NOS1AP: variants seen among roughly 807,000 people sequenced by gnomAD.
NOS1AP encodes the protein carboxyl-terminal PDZ ligand of neuronal nitric oxide synthase protein.
A neutral mutation model predicts 56.2 loss-of-function variants in NOS1AP; 21 were observed. That is an observed-to-expected ratio of 0.37 (90% CI 0.26 to 0.54). The LOEUF is 0.54. NOS1AP is among the 20% of genes least tolerant of loss of function. The pLI is 0.84. For synonymous variants in NOS1AP, 270 were observed against 274.6 expected (o/e 0.98, Z 0.17); for missense variants, 522 against 657.8 (o/e 0.79, Z 2.26).
chr1:162,214,269 G>A (rs28439959), intron 2 of NOS1AP, among the ~76,000 whole-genome samples: 51 of 150,776 alleles, frequency 3.4e-4, no homozygotes, highest in African/African-American at 1.2e-3. Flanking sequence ...TCGTTCGTTC[G>A]TTCATTCATT....
intron 1 of NOS1AP, among the ~76,000 whole-genome samples, chr1:162,086,790 A>G (rs1692012986): frequency 6.6e-6 from 1 of 152,198 alleles, no homozygotes. Flanking sequence ...CCTCCCAGCC[A>G]TTCCCTTGAC....
At chr1:162,241,438 C>T (rs988379814) in intron 2 of NOS1AP, among the ~76,000 whole-genome samples, 13 of 152,262 alleles carry the variant, frequency 8.5e-5, no homozygotes, top group African/African-American at 2.6e-4. Context: ...AGAGAGAGAT[C>T]GTGAAGACTG....
intron 2 of NOS1AP, among the ~76,000 whole-genome samples, chr1:162,264,055 A>G (rs140559925): frequency 1.3e-3 from 195 of 152,324 alleles, no homozygotes; most frequent in African/African-American, 4.4e-3. Flanking sequence ...CTACATCTAC[A>G]TCAGACTTGC....
At chr1:162,166,038 C>G (rs1335579252) in intron 2 of NOS1AP, among the ~76,000 whole-genome samples, 1 of 152,200 alleles carries the variant, frequency 6.6e-6, no homozygotes, top group Non-Finnish European at 1.5e-5. Flanking sequence ...TCAGGGTCAC[C>G]TTTCTTCTCT....
chr1:162,218,519 A>G (rs1483257308), intron 2 of NOS1AP, among the ~76,000 whole-genome samples: 1 of 152,112 alleles, frequency 6.6e-6, no homozygotes, highest in Non-Finnish European at 1.5e-5. Context: ...TCCTGCTATC[A>G]CCCTGCATAG....
chr1:162,290,173 G>GA (rs1348193842), intron 3 of NOS1AP, among the ~76,000 whole-genome samples: 1 of 152,066 alleles, frequency 6.6e-6, no homozygotes, highest in African/African-American at 2.4e-5. Context: ...TGCTGGCCCA[G>GA]AAAAAAAGAT....
chr1:162,324,848 T>C (rs189500275), intron 4 of NOS1AP, among the ~76,000 whole-genome samples: 2 of 152,320 alleles, frequency 1.3e-5, no homozygotes, highest in East Asian at 1.9e-4. Context: ...CTTGACTGTC[T>C]CTCGAGGTCT....
chr1:162,365,279 G>T, intron 8 of NOS1AP, 125 bp from the exon 9 acceptor site: 1 of 1,548,768 alleles, frequency 6.5e-7, no homozygotes. Context: ...CCCGTGAAGG[G>T]CTTCTTCTTG....
intron 2 of NOS1AP, among the ~76,000 whole-genome samples, chr1:162,173,626 C>A (rs907356288): frequency 4.6e-5 from 7 of 152,192 alleles, no homozygotes; most frequent in African/African-American, 1.7e-4. Context: ...TCAGAGTGAA[C>A]AGGCAACCTA....
At chr1:162,338,339 A>G (rs112915794) in intron 5 of NOS1AP, among the ~76,000 whole-genome samples, 1,668 of 152,174 alleles carry the variant, frequency 0.011, 29 homozygotes, top group African/African-American at 0.038. Flanking sequence ...TGCCCCCATT[A>G]TTCTCTTTTC....
At chr1:162,236,783 C>T (rs1188408053) in intron 2 of NOS1AP, among the ~76,000 whole-genome samples, 1 of 152,138 alleles carries the variant, frequency 6.6e-6, no homozygotes, top group Non-Finnish European at 1.5e-5. Context: ...CAGGCCAGTC[C>T]ATGTATTGCA....
At chr1:162,250,465 C>T (rs1462898665) in intron 2 of NOS1AP, among the ~76,000 whole-genome samples, 2 of 152,152 alleles carry the variant, frequency 1.3e-5, no homozygotes, top group African/African-American at 4.8e-5. Flanking sequence ...GAATCCATTT[C>T]ATTCATACTC....
chr1:162,285,353 A>G (rs1655056624), intron 2 of NOS1AP, among the ~76,000 whole-genome samples: 1 of 152,216 alleles, frequency 6.6e-6, no homozygotes. Context: ...ACCTCTCAGT[A>G]GGCACAAGGC....
intron 4 of NOS1AP, among the ~76,000 whole-genome samples, chr1:162,326,702 C>A (rs1656601595): frequency 2.0e-5 from 3 of 151,988 alleles, no homozygotes; most frequent in Admixed American, 2.0e-4. Flanking sequence ...GGCTTGAGAC[C>A]CAAGAAGAGT....
At chr1:162,167,438 C>T (rs1410526965) in intron 2 of NOS1AP, among the ~76,000 whole-genome samples, 1 of 152,246 alleles carries the variant, frequency 6.6e-6, no homozygotes, top group Non-Finnish European at 1.5e-5. Context: ...AAGGCAGGGT[C>T]CTCCCCTCTA....
intron 1 of NOS1AP, among the ~76,000 whole-genome samples, chr1:162,081,779 T>TATATATAGA (rs1691901222): frequency 7.8e-6 from 1 of 128,780 alleles, no homozygotes; most frequent in Non-Finnish European, 1.7e-5. Flanking sequence ...TATATATTTT[T>TATATATAGA]TTTTTGTAGA....
At chr1:162,353,943 C>G (rs1288792851) in intron 6 of NOS1AP, among the ~76,000 whole-genome samples, 2 of 152,338 alleles carry the variant, frequency 1.3e-5, no homozygotes, top group South Asian at 4.1e-4. Flanking sequence ...TCCCTGCCCC[C>G]ACTAGCTGCA....
intron 2 of NOS1AP, among the ~76,000 whole-genome samples, chr1:162,232,951 G>A (rs1653168651): frequency 6.6e-6 from 1 of 152,100 alleles, no homozygotes; most frequent in Admixed American, 6.5e-5. Context: ...CTTGCTGAAG[G>A]ACTCATAGCC....
rs987346667 is a variant in NOS1AP, at chr1:162,069,891, C to A, written c.-287C>A. On this transcript the variant is annotated 5_prime_UTR_variant, in exon 1 of 10. Coordinates refer to ENST00000361897, the MANE Select transcript of NOS1AP (RefSeq NM_014697.3). ...CGCTCCCCTCCCCGGGCAGGGGCGC[C>A]GCGCAGCCCGCTCCCGCCGCCACCT... is the stretch of plus-strand genomic sequence containing the variant. 7.5e-5 allele frequency: 13 copies of A among 173,478 alleles called. No homozygotes were observed. The highest frequency in any genetic ancestry group is 5.7e-4 in the Admixed American group (9 of 15,726). The allele number at this position is 173,478 out of a possible 1,614,324, so 10.7% of individuals were successfully genotyped here. A position where few individuals can be genotyped will look rare whatever the true frequency, so the allele number is the denominator to read the frequency against.
Sources: allele counts gnomAD v4.1 joint callset (sites outside exome capture counted in the v4.1 genomes callset), GRCh38; gene constraint gnomAD v4.1.1; transcripts MANE v1.5; gene names NCBI Gene and HGNC (gene_info 2026-07-23, HGNC 2026-07-21).